DAB1: variants seen among roughly 807,000 people sequenced by gnomAD.
The protein encoded by DAB1 is DAB adaptor protein 1.
DAB1 carries 15 observed loss-of-function variants against 64.6 expected under a neutral mutation model. The observed-to-expected ratio is 0.23, with a 90% CI of 0.16 to 0.36. The LOEUF is 0.36. DAB1 is among the 10% of genes least tolerant of loss of function. The pLI, the probability that DAB1 is intolerant of heterozygous loss-of-function variation, is 1.00. For missense variants in DAB1, 596 were observed against 706.7 expected (o/e 0.84, Z 1.78); for synonymous variants, 235 against 251.9 (o/e 0.93, Z 0.64).
chr1:57,728,357 G>C (rs1386394193), intron 6 of DAB1, among the ~76,000 whole-genome samples: 1 of 152,100 alleles, frequency 6.6e-6, no homozygotes, highest in Non-Finnish European at 1.5e-5. Context: ...ACTTTGGGAG[G>C]CCACGGCAGG....
intron 3 of DAB1, among the ~76,000 whole-genome samples, chr1:58,482,662 T>C (rs1244856204): frequency 6.6e-6 from 1 of 152,110 alleles, no homozygotes; most frequent in Non-Finnish European, 1.5e-5. Context: ...AAGGCCTCAC[T>C]GATAGGATAA....
intron 5 of DAB1, among the ~76,000 whole-genome samples, chr1:58,010,872 G>A (rs766894453): frequency 1.3e-4 from 20 of 152,206 alleles, no homozygotes; most frequent in Non-Finnish European, 2.6e-4. Context: ...TGGCCTTCCA[G>A]GCAACCAGTA....
chr1:57,590,007 T>C (rs1045756905), intron 7 of DAB1, among the ~76,000 whole-genome samples: 4 of 152,180 alleles, frequency 2.6e-5, no homozygotes, highest in South Asian at 2.1e-4. Context: ...ATAAATTATA[T>C]ACTATTTTAG....
At chr1:57,363,558 T>C (rs941302839) in intron 1 of DAB1, among the ~76,000 whole-genome samples, 1 of 152,218 alleles carries the variant, frequency 6.6e-6, no homozygotes, top group Admixed American at 6.5e-5. Context: ...CATAGTGTTT[T>C]TGTGAAAACT....
intron 5 of DAB1, among the ~76,000 whole-genome samples, chr1:58,084,800 T>C (rs1185198345): frequency 6.7e-6 from 1 of 149,650 alleles, no homozygotes; most frequent in African/African-American, 2.4e-5. Flanking sequence ...ATTATATATA[T>C]ACACACATAT....
intron 6 of DAB1, among the ~76,000 whole-genome samples, chr1:57,681,252 C>T (rs1646633348): frequency 6.6e-6 from 1 of 152,192 alleles, no homozygotes. Context: ...CTCCCCTTTG[C>T]ATCTCTTGGT....
chr1:57,196,339 C>T (rs1238550729), intron 2 of DAB1, among the ~76,000 whole-genome samples: 1 of 152,152 alleles, frequency 6.6e-6, no homozygotes, highest in Admixed American at 6.5e-5. Context: ...AGTACAATAC[C>T]TAGAGCTGGA....
intron 4 of DAB1, among the ~76,000 whole-genome samples, chr1:58,185,505 G>A (rs758334187): frequency 1.3e-5 from 2 of 152,150 alleles, no homozygotes; most frequent in Non-Finnish European, 2.9e-5. Context: ...TGGACATCTG[G>A]GCTGGCTATA....
intron 4 of DAB1, among the ~76,000 whole-genome samples, chr1:57,125,175 C>T (rs35120648): frequency 0.02 from 2,984 of 152,204 alleles, 112 homozygotes; most frequent in African/African-American, 0.069. Flanking sequence ...ACACATGTTC[C>T]GTATACATGC....
At chr1:57,017,823 A>G (rs140339675) in intron 11 of DAB1, among the ~76,000 whole-genome samples, 2 of 152,212 alleles carry the variant, frequency 1.3e-5, no homozygotes, top group African/African-American at 4.8e-5. Context: ...AGTGGCTTAA[A>G]TCTACCAACA....
chr1:58,112,489 T>C (rs1208985804), intron 5 of DAB1, among the ~76,000 whole-genome samples: 3 of 152,220 alleles, frequency 2.0e-5, no homozygotes, highest in Non-Finnish European at 2.9e-5. Flanking sequence ...AGCTGTGTAA[T>C]CCCAAACCTG....
At chr1:57,401,317 A>C (rs1293805189) in intron 1 of DAB1, among the ~76,000 whole-genome samples, 1 of 152,188 alleles carries the variant, frequency 6.6e-6, no homozygotes, top group African/African-American at 2.4e-5. Context: ...ACATCTCTAA[A>C]ATGCAATGTA....
intron 4 of DAB1, among the ~76,000 whole-genome samples, chr1:58,177,294 T>C (rs374009078): frequency 6.6e-6 from 1 of 152,206 alleles, no homozygotes; most frequent in Admixed American, 6.5e-5. Flanking sequence ...AACTTTTGTG[T>C]GTCCAGTGCC....
intron 7 of DAB1, among the ~76,000 whole-genome samples, chr1:57,501,468 GT>G (rs758921481): frequency 1.3e-5 from 2 of 152,138 alleles, no homozygotes; most frequent in Non-Finnish European, 2.9e-5. Context: ...ATAGATAAGT[GT>G]TTTAAGCCAT....
At chr1:57,631,394 C>A (rs1334941281) in intron 7 of DAB1, among the ~76,000 whole-genome samples, 1 of 152,204 alleles carries the variant, frequency 6.6e-6, no homozygotes, top group Non-Finnish European at 1.5e-5. Flanking sequence ...ATTGATGTCA[C>A]TTGACTCATT....
intron 1 of DAB1, among the ~76,000 whole-genome samples, chr1:57,413,023 G>C (rs1684230499): frequency 6.6e-6 from 1 of 152,070 alleles, no homozygotes. Flanking sequence ...GAATGCAGCT[G>C]GCTACTTTAC....
intron 5 of DAB1, among the ~76,000 whole-genome samples, chr1:58,088,313 G>A (rs917096411): frequency 6.6e-6 from 1 of 152,174 alleles, no homozygotes; most frequent in Non-Finnish European, 1.5e-5. Context: ...AATGAGACAC[G>A]GGTTAGCGAC....
chr1:58,126,184 C>T (rs933855071), intron 5 of DAB1, among the ~76,000 whole-genome samples: 1 of 152,206 alleles, frequency 6.6e-6, no homozygotes, highest in East Asian at 1.9e-4. Flanking sequence ...AAAGAACCCA[C>T]TTGGCATGGC....
intron 5 of DAB1, among the ~76,000 whole-genome samples, chr1:58,063,821 AGCT>A (rs1570301139): frequency 6.6e-6 from 1 of 152,240 alleles, no homozygotes; most frequent in Non-Finnish European, 1.5e-5. Flanking sequence ...CCATTTCTAC[AGCT>A]GCTAAGTGGA....
Sources: allele counts gnomAD v4.1 joint callset (sites outside exome capture counted in the v4.1 genomes callset), GRCh38; gene constraint gnomAD v4.1.1; transcripts MANE v1.5; gene names NCBI Gene and HGNC (gene_info 2026-07-23, HGNC 2026-07-21).